TTC6: variants seen among roughly 807,000 people sequenced by gnomAD.
TTC6 encodes tetratricopeptide repeat domain 6, also known as tetratricopeptide repeat protein 6.
TTC6 carries 172 observed loss-of-function variants against 210.4 expected under a neutral mutation model. The observed-to-expected ratio is 0.82, with a 90% CI of 0.72 to 0.93. TTC6 has a LOEUF of 0.93. Among genes scored for constraint, TTC6 ranks in the 40% least tolerant of loss-of-function variants. TTC6 has a pLI of 0.00. For missense variants in TTC6, 2,414 were observed against 2,318.1 expected (o/e 1.04, Z -0.85); for synonymous variants, 804 against 819.6 (o/e 0.98, Z 0.32).
At chr14:37,779,235 C>T (rs934184762) in intron 14 of TTC6, among the ~76,000 whole-genome samples, 3 of 152,154 alleles carry the variant, frequency 2.0e-5, no homozygotes, top group Admixed American at 1.3e-4. Context: ...TTCAATGCTT[C>T]ATCTTTGTCC....
chr14:37,733,244 A>G (rs1311624393), intron 7 of TTC6, among the ~76,000 whole-genome samples: 1 of 152,228 alleles, frequency 6.6e-6, no homozygotes, highest in Non-Finnish European at 1.5e-5. Context: ...TTTAAAGTCC[A>G]AACTAAATTT....
intron 1 of TTC6, among the ~76,000 whole-genome samples, chr14:37,667,556 C>T (rs1301187204): frequency 2.7e-5 from 4 of 150,710 alleles, no homozygotes; most frequent in Non-Finnish European, 6.0e-5. Context: ...GTCAGACATG[C>T]ACCAAACATG....
intron 28 of TTC6, 112 bp downstream of exon 30, chr14:37,826,459 A>G (rs183465657): frequency 6.8e-6 from 7 of 1,030,788 alleles, no homozygotes; most frequent in Middle Eastern, 5.6e-4. Flanking sequence ...GGAGAAAATA[A>G]TGTTTTGTAT....
At chr14:37,826,257 G>A in exon 28 of TTC6, 1 of 1,612,426 alleles carries the variant, frequency 6.2e-7, no homozygotes, top group Non-Finnish European at 8.5e-7. Context: ...CTGATCCAAA[G>A]AACTACCTAG....
At chr14:37,786,313 G>C (rs947549257) in intron 14 of TTC6, among the ~76,000 whole-genome samples, 1 of 152,196 alleles carries the variant, frequency 6.6e-6, no homozygotes, top group African/African-American at 2.4e-5. Context: ...ACCTACTTAA[G>C]TGTCAGCAAT....
chr14:37,842,208 C>A, exon 31 of TTC6: 2 of 1,607,920 alleles, frequency 1.2e-6, no homozygotes, highest in Non-Finnish European at 1.7e-6. Flanking sequence ...AGCAAAAGTT[C>A]GTGGTAAAAT....
chr14:37,715,261 G>T (rs1465996360), intron 6 of TTC6, among the ~76,000 whole-genome samples: 1 of 151,700 alleles, frequency 6.6e-6, no homozygotes, highest in East Asian at 1.9e-4. Flanking sequence ...GGGAATTGAG[G>T]GACTATAACA....
intron 1 of TTC6, among the ~76,000 whole-genome samples, chr14:37,634,847 A>G: frequency 6.6e-6 from 1 of 152,224 alleles, no homozygotes; most frequent in East Asian, 1.9e-4. Flanking sequence ...AAAGAAAAGA[A>G]CTACCAGAAT....
At chr14:37,697,835 A>C (rs1441427646) in intron 4 of TTC6, among the ~76,000 whole-genome samples, 1 of 152,176 alleles carries the variant, frequency 6.6e-6, no homozygotes, top group South Asian at 2.1e-4. Context: ...AATGAAGCAG[A>C]AACTTCTTGA....
intron 14 of TTC6, among the ~76,000 whole-genome samples, chr14:37,786,319 G>A (rs2096067531): frequency 1.3e-5 from 2 of 152,196 alleles, no homozygotes; most frequent in South Asian, 4.1e-4. Context: ...TTAAGTGTCA[G>A]CAATGGCAGC....
chr14:37,738,856 A>T (rs1439706311), exon 10 of TTC6: 1 of 1,534,724 alleles, frequency 6.5e-7, no homozygotes, highest in African/African-American at 1.4e-5. Flanking sequence ...AAAGCAGTAT[A>T]AAAGAGGTTA....
intron 1 of TTC6, among the ~76,000 whole-genome samples, chr14:37,630,267 C>T (rs2095667102): frequency 6.6e-6 from 1 of 152,100 alleles, no homozygotes; most frequent in African/African-American, 2.4e-5. Flanking sequence ...CCCAGAGATC[C>T]TAGTATGTTG....
exon 16 of TTC6, chr14:37,790,807 G>A: frequency 6.5e-7 from 1 of 1,534,266 alleles, no homozygotes; most frequent in Non-Finnish European, 8.7e-7. Context: ...CTGGCAATTT[G>A]TGACTTTGAA....
At chr14:37,707,372 T>C (rs2095837438) in intron 5 of TTC6, among the ~76,000 whole-genome samples, 1 of 152,052 alleles carries the variant, frequency 6.6e-6, no homozygotes, top group East Asian at 1.9e-4. Context: ...TGTGCATTTC[T>C]TCAGGAATAT....
At chr14:37,608,930 T>C (rs1595003283) in intron 2 of TTC6, among the ~76,000 whole-genome samples, 1 of 152,182 alleles carries the variant, frequency 6.6e-6, no homozygotes, top group Admixed American at 6.5e-5. Flanking sequence ...GAGGAAATCA[T>C]AGTGTTTCAA....
Position 37,616,415 on chromosome 14 carries a change from A to G in TTC6, c.-154-5635A>G, listed in dbSNP as rs113786559. ...TGGAAACTTCTCTCCAGGCCAGTTT[A>G]CACAAATGTTGACTTTCCTCTACAA... On this transcript the variant is annotated intron_variant, in intron 2 of 2. Transcript: ENST00000556845. Among the ~76,000 whole-genome samples the G allele has an allele frequency of 1.3e-5, 2 of 152,366 alleles. 1 individual carries two copies. The highest frequency in any genetic ancestry group is 4.8e-5 in the African/African-American group (2 of 41,580).
intron 1 of TTC6, among the ~76,000 whole-genome samples, chr14:37,639,715 CAAA>C (rs35837305): frequency 1.8e-4 from 13 of 74,184 alleles, no homozygotes; most frequent in African/African-American, 5.1e-4. Context: ...ACAAGAAATA[CAAA>C]AAAAAAAAAA....
chr14:37,608,731 T>C (rs1490645304), intron 2 of TTC6, among the ~76,000 whole-genome samples: 1 of 152,200 alleles, frequency 6.6e-6, no homozygotes, highest in Non-Finnish European at 1.5e-5. Flanking sequence ...TGGGCCCTAA[T>C]TGTGGGGAGC....
intron 1 of TTC6, among the ~76,000 whole-genome samples, chr14:37,626,523 T>G (rs2095660574): frequency 6.6e-6 from 1 of 152,174 alleles, no homozygotes; most frequent in African/African-American, 2.4e-5. Flanking sequence ...TCTCTATTCT[T>G]CCTGCTAAGT....
Sources: gnomAD v4.1 joint callset for allele counts (sites outside exome capture counted in the v4.1 genomes callset) on GRCh38, gnomAD v4.1.1 for gene constraint, MANE v1.5 for transcripts, NCBI Gene and HGNC (gene_info 2026-07-23, HGNC 2026-07-21) for gene names.